Variants in TBCD observed in about 807,000 individuals in gnomAD.
TBCD encodes tubulin folding cofactor D.
TBCD carries 105 observed loss-of-function variants against 169.3 expected under a neutral mutation model. The observed-to-expected ratio is 0.62, with a 90% CI of 0.53 to 0.73. The LOEUF (loss-of-function observed/expected upper bound fraction) is 0.73, where lower values mean the gene tolerates loss of function less well. TBCD is among the 30% of genes least tolerant of loss of function. The pLI, the probability that TBCD is intolerant of heterozygous loss-of-function variation, is 0.00. For missense variants in TBCD, 1,444 were observed against 1,600.1 expected, an observed-to-expected ratio of 0.90 and a Z score of 1.66; for synonymous variants, 700 against 643.9, an observed-to-expected ratio of 1.09 and a Z score of -1.32.
intron 13 of TBCD, among the ~76,000 whole-genome samples, chr17:82,825,324 G>T (rs558768560): frequency 6.6e-6 from 1 of 152,286 alleles, no homozygotes; most frequent in Non-Finnish European, 1.5e-5. Context: ...TCTGCAGGGT[G>T]TGAGGCTTTG....
At chr17:82,888,948 A>G (rs1036342639) in intron 15 of TBCD, among the ~76,000 whole-genome samples, 2 of 152,044 alleles carry the variant, frequency 1.3e-5, no homozygotes, top group Non-Finnish European at 2.9e-5. Flanking sequence ...TCTTCCTGGG[A>G]CACTGAAGTC....
intron 14 of TBCD, among the ~76,000 whole-genome samples, 167 bp from the exon 15 acceptor site, chr17:82,883,978 T>G (rs2058556384): frequency 6.6e-6 from 1 of 152,150 alleles, no homozygotes; most frequent in African/African-American, 2.4e-5. Context: ...GGGGGTCACA[T>G]GTGTCTGTCT....
chr17:82,885,572 C>T (rs746348424), intron 15 of TBCD, among the ~76,000 whole-genome samples: 34 of 151,968 alleles, frequency 2.2e-4, no homozygotes, highest in Non-Finnish European at 3.5e-4. Context: ...ACATTTTTGC[C>T]CTGCTATTTA....
At position 82,779,994 on chromosome 17, in the gene TBCD, T is replaced by TC. The variant is rs577617806; in HGVS notation, c.639-1589dup. ...CCTCCTGGCATCACTGCCGTCTCCT[T>TC]CCCCCCACCCCATAAAGGTGTGGCT... On this transcript the variant is annotated intron_variant, in intron 6 of 38. Coordinates refer to ENST00000355528, the MANE Select transcript of TBCD (RefSeq NM_005993.5). Among the ~76,000 whole-genome samples the TC allele has an allele frequency of 1.4e-4, 22 of 151,906 alleles. No homozygotes were observed. The South Asian group carries it at 3.3e-3, about 23-fold the overall frequency.
chr17:82,824,390 A>G (rs953012981), intron 13 of TBCD, among the ~76,000 whole-genome samples: 1 of 151,980 alleles, frequency 6.6e-6, no homozygotes, highest in Non-Finnish European at 1.5e-5. Flanking sequence ...TTATCATGTT[A>G]GCCAGGATGG....
At chr17:82,931,467 G>T (rs752109040) in intron 33 of TBCD, among the ~76,000 whole-genome samples, 3 of 152,218 alleles carry the variant, frequency 2.0e-5, no homozygotes, top group Non-Finnish European at 4.4e-5. Flanking sequence ...CACTTGAGGC[G>T]CTGGGCCGCG....
At chr17:82,940,229 A>G (rs12938095) in intron 37 of TBCD, among the ~76,000 whole-genome samples, 4 of 145,438 alleles carry the variant, frequency 2.8e-5, no homozygotes, top group Non-Finnish European at 6.3e-5. Context: ...GCGCACACAC[A>G]CACACACACA....
In TBCD at chr17:82,927,087, C is replaced by T. The variant is rs146100745; in HGVS notation, c.2472-99C>T. The T allele has an allele frequency of 4.7e-4, 723 of 1,535,924 alleles. 1 individual carries two copies. The African/African-American group carries it at 8.0e-3, about 17-fold the overall frequency. ...CCCGAGGGTCCTGGACTGTTCTGAG[C>T]GTGTCTTCTCAGGATCAGGAACACA... On this transcript the variant is annotated intron_variant, in intron 28 of 38. Coordinates refer to ENST00000355528, the MANE Select transcript of TBCD (RefSeq NM_005993.5).
chr17:82,890,755 C>T lies in TBCD; in HGVS notation c.1563+1058C>T, dbSNP rs1334753016. 1.3e-5 allele frequency among the ~76,000 whole-genome samples: 2 copies of T among 152,188 alleles called. No homozygotes were observed. Among genetic ancestry groups the T allele is most frequent in the Admixed American group, 6.5e-5 (1 of 15,282 alleles). ...CCGTGGGGCCTGCATGTGTTCAGAG[C>T]CCTGAGCCCTGGTCGGAGCCAGTTC... is the stretch of plus-strand genomic sequence containing the variant. On this transcript the variant is annotated intron_variant, in intron 16 of 38. Coordinates refer to ENST00000355528, the MANE Select transcript of TBCD (RefSeq NM_005993.5). This position sits in a 1 kb window ranked among gnomAD's most constrained non-coding sequence, Gnocchi z 5.3.
At chr17:82,797,231 C>T (rs929992608) in intron 7 of TBCD, among the ~76,000 whole-genome samples, 32 of 152,138 alleles carry the variant, frequency 2.1e-4, no homozygotes, top group African/African-American at 7.5e-4. Context: ...CAGGTGATGA[C>T]GTCCGTGTGT....
intron 14 of TBCD, among the ~76,000 whole-genome samples, chr17:82,882,939 T>C (rs1176106037): frequency 6.6e-6 from 1 of 152,138 alleles, no homozygotes; most frequent in Non-Finnish European, 1.5e-5. Flanking sequence ...CGGGTGACGG[T>C]GCCTGCGCTG....
intron 13 of TBCD, chr17:82,830,865 C>G (rs772435836): frequency 7.4e-6 from 12 of 1,612,554 alleles, no homozygotes; most frequent in Non-Finnish European, 1.0e-5. Context: ...GGTCTCCGTT[C>G]ACAACATTGA....
intron 10 of TBCD, among the ~76,000 whole-genome samples, chr17:82,807,138 G>A (rs1369892830): frequency 6.6e-6 from 1 of 152,222 alleles, no homozygotes; most frequent in East Asian, 1.9e-4. Context: ...CCCTCACCGT[G>A]TGACCTGACC....
chr17:82,912,312 C>CCT (rs2060703055), intron 23 of TBCD, among the ~76,000 whole-genome samples: 1 of 152,220 alleles, frequency 6.6e-6, no homozygotes, highest in African/African-American at 2.4e-5. Flanking sequence ...GATTCCCAAG[C>CCT]CTCTGATACC....
Position 82,889,541 on chromosome 17 carries a change from A to G in TBCD, c.1534-127A>G. On this transcript the variant is annotated intron_variant, in intron 15 of 38. Transcript: ENST00000355528. This position sits in a 1 kb window ranked among gnomAD's most constrained non-coding sequence, Gnocchi z 5.3. ...CACCTTGAGGCTCTGTTCAGCCAAC[A>G]ATGAGGGCTTTTATTTAAAAAATAA... The G allele has an allele frequency of 1.7e-6, 2 of 1,146,974 alleles. No homozygotes were observed. The highest frequency in any genetic ancestry group is 2.5e-6 in the Non-Finnish European group (2 of 787,780). 71.0% of individuals were successfully genotyped at this position (1,146,974 alleles called of 1,614,324 possible). A position where few individuals can be genotyped will look rare whatever the true frequency, so the allele number is the denominator to read the frequency against.
chr17:82,829,705 T>C (rs1375053677), intron 13 of TBCD: 1 of 175,512 alleles, frequency 5.7e-6, no homozygotes, highest in Non-Finnish European at 1.2e-5. Context: ...CATTTTTCTT[T>C]TTTACATATG....
chr17:82,772,580 C>T (rs1301293538), intron 6 of TBCD, 73 bp downstream of exon 6: 3 of 1,497,598 alleles, frequency 2.0e-6, no homozygotes, highest in Non-Finnish European at 2.8e-6. Flanking sequence ...GTACGTGTTT[C>T]ATGTGCGTCT....
Position 82,833,368 on chromosome 17 carries a change from G to A in TBCD, c.1318+18434G>A, listed in dbSNP as rs1244486877. Among the ~76,000 whole-genome samples, 2 of 152,090 alleles carry A rather than the reference G, an allele frequency of 1.3e-5. No homozygotes were observed. Among genetic ancestry groups the A allele is most frequent in the African/African-American group, 4.8e-5 (2 of 41,396 alleles). ...AGTTTCTGCCCACTTTAGCCACGTC[G>A]TTGGTGTATTCTAGTGTGCTTGTTT... On this transcript the variant is annotated intron_variant, in intron 13 of 38. Transcript: ENST00000355528. The surrounding 1 kb of genome is among the most constrained non-coding windows in gnomAD (Gnocchi z 4.7).
chr17:82,850,001 TGCTGCTGTTG>T (rs2055544998), intron 13 of TBCD, among the ~76,000 whole-genome samples: 2 of 144,984 alleles, frequency 1.4e-5, no homozygotes, highest in African/African-American at 2.5e-5. Context: ...CTGTTGGCTG[TGCTGCTGTTG>T]GCTGTGCTGT....
Sources: allele counts gnomAD v4.1 joint callset (sites outside exome capture counted in the v4.1 genomes callset), GRCh38; gene constraint gnomAD v4.1.1; non-coding constraint Gnocchi (gnomAD v3.1); transcripts MANE v1.5; gene names NCBI Gene and HGNC (gene_info 2026-07-23, HGNC 2026-07-21).